Variants in MYO3B observed in about 807,000 individuals in gnomAD.
MYO3B encodes myosin IIIB.
In MYO3B, 156 loss-of-function variants were observed where a neutral mutation model predicts 174.6. The ratio of observed to expected loss-of-function variants is 0.89; its 90% CI spans 0.78 to 1.02. MYO3B has a LOEUF of 1.02. MYO3B is among the 50% of genes least tolerant of loss of function. The pLI, the probability that MYO3B is intolerant of heterozygous loss-of-function variation, is 0.00. For missense variants in MYO3B, 1,632 were observed against 1,639.4 expected (o/e 1.00, Z 0.08); for synonymous variants, 563 against 569.1 (o/e 0.99, Z 0.15).
chr2:170,549,870 G>A (rs77911901), intron 32 of MYO3B, among the ~76,000 whole-genome samples: 28 of 152,178 alleles, frequency 1.8e-4, no homozygotes, highest in Admixed American at 3.9e-4. Context: ...GGAAGGGAGC[G>A]CAAGCAGCTT....
chr2:170,390,633 T>C (rs2094405298), intron 14 of MYO3B, among the ~76,000 whole-genome samples: 1 of 152,140 alleles, frequency 6.6e-6, no homozygotes, highest in African/African-American at 2.4e-5. Flanking sequence ...CGATTTCTTT[T>C]CATGGAGCTA....
chr2:170,447,411 C>T (rs558313295), intron 23 of MYO3B, among the ~76,000 whole-genome samples: 18 of 152,174 alleles, frequency 1.2e-4, no homozygotes, highest in African/African-American at 3.4e-4. Context: ...TAAATATGAA[C>T]ACTTCTGAGG....
intron 7 of MYO3B, among the ~76,000 whole-genome samples, chr2:170,287,073 G>C (rs566584075): frequency 6.6e-6 from 1 of 152,182 alleles, no homozygotes; most frequent in Non-Finnish European, 1.5e-5. Flanking sequence ...TCTGTTTATG[G>C]CTGAATAATA....
chr2:170,459,180 G>C (rs1234350207), intron 23 of MYO3B, among the ~76,000 whole-genome samples: 1 of 152,210 alleles, frequency 6.6e-6, no homozygotes, highest in East Asian at 1.9e-4. Flanking sequence ...CCACAGCGTG[G>C]AAAGGGACCC....
intron 6 of MYO3B, among the ~76,000 whole-genome samples, chr2:170,228,729 T>C (rs567405235): frequency 1.3e-5 from 2 of 152,300 alleles, no homozygotes; most frequent in East Asian, 3.9e-4. Context: ...TTTATTTCTC[T>C]GTAGACTTAA....
At chr2:170,276,319 C>T (rs1357251899) in intron 7 of MYO3B, among the ~76,000 whole-genome samples, 2 of 152,136 alleles carry the variant, frequency 1.3e-5, no homozygotes, top group Non-Finnish European at 2.9e-5. Context: ...TATTTTTAGG[C>T]TACTTATTCA....
At chr2:170,382,191 T>G (rs1474111851) in intron 10 of MYO3B, 79 bp downstream of exon 10, 1 of 1,179,798 alleles carries the variant, frequency 8.5e-7, no homozygotes, top group Non-Finnish European at 1.3e-6. Context: ...TTGTAGACCA[T>G]GTCCTCCTAA....
intron 3 of MYO3B, among the ~76,000 whole-genome samples, chr2:170,204,166 T>C (rs572344513): frequency 6.6e-6 from 1 of 152,296 alleles, no homozygotes; most frequent in Non-Finnish European, 1.5e-5. Flanking sequence ...AAAATAAACA[T>C]GATTCGTCCA....
chr2:170,403,567 C>G (rs2094492251), intron 19 of MYO3B, among the ~76,000 whole-genome samples: 1 of 152,228 alleles, frequency 6.6e-6, no homozygotes, highest in Non-Finnish European at 1.5e-5. Flanking sequence ...ATATAGCAGT[C>G]TGATCAACCC....
intron 9 of MYO3B, among the ~76,000 whole-genome samples, chr2:170,378,654 G>C (rs1409543228): frequency 6.6e-6 from 1 of 152,192 alleles, no homozygotes; most frequent in African/African-American, 2.4e-5. Context: ...AGGCTCAGAA[G>C]ATACCAATGT....
intron 32 of MYO3B, among the ~76,000 whole-genome samples, chr2:170,557,170 C>T (rs1212892899): frequency 4.3e-5 from 6 of 138,190 alleles, no homozygotes; most frequent in African/African-American, 1.1e-4. Flanking sequence ...GACGGAGTCT[C>T]GCTCTGTCGC....
At chr2:170,406,845 T>C (rs1348971123) in intron 21 of MYO3B, among the ~76,000 whole-genome samples, 2 of 152,144 alleles carry the variant, frequency 1.3e-5, no homozygotes, top group East Asian at 3.8e-4. Flanking sequence ...CTGAACTGGA[T>C]CCCCTCTGTT....
intron 32 of MYO3B, among the ~76,000 whole-genome samples, chr2:170,648,769 ATATAT>A (rs1474347557): frequency 9.7e-6 from 1 of 103,382 alleles, no homozygotes; most frequent in African/African-American, 3.6e-5. Flanking sequence ...ATAGAATATA[ATATAT>A]TCTATGTATT....
At chr2:170,321,986 T>C (rs1259101804) in intron 7 of MYO3B, among the ~76,000 whole-genome samples, 1 of 151,834 alleles carries the variant, frequency 6.6e-6, no homozygotes, top group African/African-American at 2.4e-5. Context: ...TGGTGGCACG[T>C]GCCTGTAATC....
intron 7 of MYO3B, among the ~76,000 whole-genome samples, chr2:170,305,038 T>C (rs1049956945): frequency 6.6e-6 from 1 of 152,054 alleles, no homozygotes; most frequent in African/African-American, 2.4e-5. Flanking sequence ...CCTTATTTTA[T>C]CATTGAAGTT....
At chr2:170,292,554 AT>A (rs2093602765) in intron 7 of MYO3B, among the ~76,000 whole-genome samples, 1 of 151,778 alleles carries the variant, frequency 6.6e-6, no homozygotes, top group African/African-American at 2.4e-5. Flanking sequence ...TTTGGTTTTT[AT>A]TAGATATATT....
rs940987750 is a variant in MYO3B, at chr2:170,443,566, C to T, written c.2651-401C>T. ...GTGTTTTAGTCATGAAGTCCTTGCC[C>T]ATGCCTATGGCCTGAATGGTATTGC... On this transcript the variant is annotated intron_variant, in intron 22 of 34. Transcript: ENST00000408978. 6.6e-5 allele frequency among the ~76,000 whole-genome samples: 10 copies of T among 152,206 alleles called. No homozygotes were observed. In the East Asian group the frequency reaches 1.4e-3, roughly 21 times the overall value.
intron 26 of MYO3B, 90 bp from the exon 27 acceptor site, chr2:170,499,556 T>A: frequency 8.3e-7 from 1 of 1,210,884 alleles, no homozygotes. Flanking sequence ...TATATCATTG[T>A]TTTAATATTT....
At chr2:170,426,079 A>ACT in intron 22 of MYO3B, among the ~76,000 whole-genome samples, 2 of 148,148 alleles carry the variant, frequency 1.3e-5, no homozygotes, top group South Asian at 4.3e-4. Flanking sequence ...TTAATCTCTG[A>ACT]TTTTTTTTTT....
Sources: gnomAD v4.1 joint callset for allele counts (sites outside exome capture counted in the v4.1 genomes callset) on GRCh38, gnomAD v4.1.1 for gene constraint, MANE v1.5 for transcripts, NCBI Gene and HGNC (gene_info 2026-07-23, HGNC 2026-07-21) for gene names.